Variants in HKDC1 observed in about 807,000 individuals in gnomAD.
The protein encoded by HKDC1 is hexokinase domain containing 1.
In HKDC1, 66 loss-of-function variants were observed where a neutral mutation model predicts 96.6. That is an observed-to-expected ratio of 0.68 (90% CI 0.56 to 0.84). HKDC1 has a LOEUF of 0.84. Among genes scored for constraint, HKDC1 ranks in the 40% least tolerant of loss-of-function variants. The pLI is 0.00. For missense variants in HKDC1, 1,211 were observed against 1,208.1 expected (o/e 1.00, Z -0.04); for synonymous variants, 466 against 473.1 (o/e 0.98, Z 0.20).
At chr10:69,259,072 G>A in intron 15 of HKDC1, 113 bp downstream of exon 15, 1 of 823,772 alleles carries the variant, frequency 1.2e-6, no homozygotes, top group Non-Finnish European at 1.7e-6. Flanking sequence ...GCTGTCGAAT[G>A]TCAGTGAAAT....
chr10:69,265,884 C>G (rs1007806123), intron 17 of HKDC1, 66 bp downstream of exon 17: 1 of 1,176,860 alleles, frequency 8.5e-7, no homozygotes, highest in Admixed American at 2.2e-5. Context: ...GTGGACTTGG[C>G]ATAGCCTCCT....
chr10:69,252,172 A>G (rs1359496421), intron 12 of HKDC1, among the ~76,000 whole-genome samples: 4 of 152,118 alleles, frequency 2.6e-5, no homozygotes, highest in African/African-American at 9.7e-5. Context: ...ATTCATAAAT[A>G]TGGAGACATT....
intron 7 of HKDC1, among the ~76,000 whole-genome samples, chr10:69,245,823 C>A (rs977751623): frequency 6.6e-5 from 10 of 152,198 alleles, no homozygotes; most frequent in South Asian, 4.1e-4. Context: ...CTTGTCGCAT[C>A]ATGTTTGAGT....
intron 16 of HKDC1, among the ~76,000 whole-genome samples, chr10:69,262,413 GTT>G (rs371102456): frequency 6.9e-6 from 1 of 145,304 alleles, no homozygotes; most frequent in African/African-American, 2.5e-5. Flanking sequence ...TGGGCGCAGT[GTT>G]TTTTTTTTTA....
rs747047588 is a variant in HKDC1, at chr10:69,250,302, T to C, written c.1583T>C (p.Phe528Ser). Residue 528 changes from phenylalanine to serine, a missense_variant, in exon 11 of 18, where the codon TTT becomes TCT. Coordinates refer to ENST00000354624, the MANE Select transcript of HKDC1 (RefSeq NM_025130.4). ...TTCTCCATCACAGAGAAAGGAAAGTTTCTCGCCCTGGATCTTGGGGGAACC... is the reference window on the plus strand; with the variant it reads ...TTCTCCATCACAGAGAAAGGAAAGTCTCTCGCCCTGGATCTTGGGGGAACC... ...GLPDGTEKGK[F>S]LALDLGGTNF... The C allele has an allele frequency of 1.8e-5, 29 of 1,613,374 alleles. No homozygotes were observed. The highest frequency in any genetic ancestry group is 1.7e-4 in the Middle Eastern group (1 of 6,052).
chr10:69,247,232 A>G, intron 8 of HKDC1, 128 bp from the exon 9 acceptor site: 3 of 646,492 alleles, frequency 4.6e-6, no homozygotes, highest in South Asian at 1.9e-5. Flanking sequence ...TGATATTGTT[A>G]TTTTTATTCT....
At chr10:69,237,277 T>TTGTCTGTGTGTG (rs377104081) in intron 4 of HKDC1, among the ~76,000 whole-genome samples, 52 of 145,598 alleles carry the variant, frequency 3.6e-4, no homozygotes, top group Non-Finnish European at 2.3e-4. Context: ...AGAAATTTCT[T>TTGTCTGTGTGTG]TGTGTGTGTG....
chr10:69,231,130 A>AT (rs1292364999), intron 2 of HKDC1, among the ~76,000 whole-genome samples: 3 of 152,066 alleles, frequency 2.0e-5, no homozygotes, highest in Non-Finnish European at 4.4e-5. Flanking sequence ...CGGGAGTGGG[A>AT]TGCCTCCACA....
intron 10 of HKDC1, chr10:69,248,948 AG>A (rs1843591191): frequency 3.7e-6 from 2 of 544,828 alleles, no homozygotes; most frequent in Non-Finnish European, 6.4e-6. Context: ...AAACACAAAA[AG>A]CCTACATTAG....
chr10:69,251,388 A>C (rs1843641898), intron 12 of HKDC1, among the ~76,000 whole-genome samples: 3 of 151,554 alleles, frequency 2.0e-5, no homozygotes, highest in South Asian at 4.2e-4. Flanking sequence ...GAGCCACCAC[A>C]CCCGGCCTAC....
chr10:69,259,007 C>T, intron 15 of HKDC1, 48 bp downstream of exon 15: 1 of 1,406,028 alleles, frequency 7.1e-7, no homozygotes, highest in Non-Finnish European at 9.4e-7. Flanking sequence ...TAGTGAACAA[C>T]ACTACCAGAC....
chr10:69,242,429 GAA>G (rs5785904), intron 6 of HKDC1, among the ~76,000 whole-genome samples: 7 of 115,344 alleles, frequency 6.1e-5, no homozygotes, highest in African/African-American at 2.3e-4. Flanking sequence ...AGATACTGAA[GAA>G]AAAAAAAAAA....
At chr10:69,245,312 C>A (rs755452497) in intron 7 of HKDC1, among the ~76,000 whole-genome samples, 1 of 152,018 alleles carries the variant, frequency 6.6e-6, no homozygotes, top group Non-Finnish European at 1.5e-5. Context: ...AGGCCTGATG[C>A]GGTGGCTCTT....
rs989889036 is a variant in HKDC1 at position 69,258,672 on chromosome 10, T to C, written c.2033-104T>C. 7 of 1,162,596 alleles carry C rather than the reference T, an allele frequency of 6.0e-6. No homozygotes were observed. The African/African-American group carries it at 1.1e-4, about 18-fold the overall frequency. The allele number at this position is 1,162,596 out of a possible 1,614,324, so 72.0% of individuals were successfully genotyped here. A position where few individuals can be genotyped will look rare whatever the true frequency, so the allele number is the denominator to read the frequency against. ...ACTGTAAAGCTGGAATCGCATCCAG[T>C]TGTATCTGACTCCAAGCTTAAATTC... On this transcript the variant is annotated intron_variant, in intron 14 of 17. Coordinates refer to ENST00000354624, the MANE Select transcript of HKDC1 (RefSeq NM_025130.4).
chr10:69,227,008 C>T (rs1843168605), intron 1 of HKDC1, among the ~76,000 whole-genome samples, 199 bp from the exon 2 acceptor site: 1 of 152,208 alleles, frequency 6.6e-6, no homozygotes, highest in African/African-American at 2.4e-5. Context: ...TCTCAGCCCT[C>T]CGTTCCATTC....
At chr10:69,256,067 T>A (rs553245816) in intron 12 of HKDC1, among the ~76,000 whole-genome samples, 1 of 152,352 alleles carries the variant, frequency 6.6e-6, no homozygotes, top group African/African-American at 2.4e-5. Context: ...GAGCCACTGT[T>A]AACCCTTTTG....
chr10:69,226,838 C>G (rs1554865071), intron 1 of HKDC1, among the ~76,000 whole-genome samples: 1 of 152,122 alleles, frequency 6.6e-6, no homozygotes, highest in Non-Finnish European at 1.5e-5. Context: ...TCTAGCTGGC[C>G]TTTTTTGGTG....
chr10:69,223,748 C>A (rs1843105076), intron 1 of HKDC1, among the ~76,000 whole-genome samples: 1 of 150,900 alleles, frequency 6.6e-6, no homozygotes, highest in South Asian at 2.1e-4. Flanking sequence ...CCACGCCCAG[C>A]TAATTTTTGT....
intron 12 of HKDC1, among the ~76,000 whole-genome samples, chr10:69,252,659 A>C (rs897715285): frequency 9.3e-5 from 14 of 151,146 alleles, no homozygotes; most frequent in African/African-American, 3.1e-4. Context: ...AAAAAAAAAA[A>C]AAAACTGTAG....
Sources: gnomAD v4.1 joint callset for allele counts (sites outside exome capture counted in the v4.1 genomes callset) on GRCh38, gnomAD v4.1.1 for gene constraint, MANE v1.5 for transcripts, NCBI Gene and HGNC (gene_info 2026-07-23, HGNC 2026-07-21) for gene names.